SCARB2: variants seen among roughly 807,000 people sequenced by gnomAD.
SCARB2 encodes the protein scavenger receptor class B member 2, also known as lysosome membrane protein 2.
SCARB2 carries 29 observed loss-of-function variants against 58.6 expected under a neutral mutation model. That is an observed-to-expected ratio of 0.49 (90% CI 0.37 to 0.67). The LOEUF (loss-of-function observed/expected upper bound fraction) is 0.67. SCARB2 is among the 30% of genes least tolerant of loss of function. The pLI is 0.00. For synonymous variants in SCARB2, 195 were observed against 210.1 expected, an observed-to-expected ratio of 0.93 and a Z score of 0.62; for missense variants, 488 against 578.5, an observed-to-expected ratio of 0.84 and a Z score of 1.60.
chr4:76,190,713 G>A (rs1440742656), intron 2 of SCARB2, among the ~76,000 whole-genome samples: 3 of 152,136 alleles, frequency 2.0e-5, no homozygotes, highest in Admixed American at 2.0e-4. Flanking sequence ...GAACCTGGGA[G>A]ACAAAGGTTG....
chr4:76,195,249 C>T (rs1348209), intron 2 of SCARB2: 7,586 of 160,320 alleles, frequency 0.047, 553 homozygotes, highest in African/African-American at 0.16. Context: ...CTTGCAATCC[C>T]AGCTACTAGG....
intron 2 of SCARB2, among the ~76,000 whole-genome samples, chr4:76,186,967 A>G: frequency 6.6e-6 from 1 of 152,208 alleles, no homozygotes; most frequent in East Asian, 1.9e-4. Context: ...GGAAACAATG[A>G]TCACGGTGTT....
chr4:76,232,520 G>T (rs760548887), intron 1 of SCARB2, among the ~76,000 whole-genome samples: 4 of 152,182 alleles, frequency 2.6e-5, no homozygotes, highest in Non-Finnish European at 4.4e-5. Flanking sequence ...GGTTTTCTCT[G>T]TGGTTTACAA....
rs776402052 is a variant in SCARB2 at position 76,163,414 on chromosome 4, G to A, written c.1240-31C>T. On this transcript the variant is annotated intron_variant, in intron 10 of 11. Coordinates refer to ENST00000264896, the MANE Select transcript of SCARB2 (RefSeq NM_005506.4). Reference sequence around the variant, plus strand: ...GAGGCAAGAAAATAGTATTCTTGATGACTAAACATCCAGTGTGTAACTGTT... The same window carrying A: ...GAGGCAAGAAAATAGTATTCTTGATAACTAAACATCCAGTGTGTAACTGTT... 1.5e-5 allele frequency: 24 copies of A among 1,612,790 alleles called. No individual in the cohort carries two copies. The South Asian group carries it at 2.6e-4, about 18-fold the overall frequency.
chr4:76,179,119 T>C (rs6851995), intron 4 of SCARB2: 24,359 of 238,932 alleles, frequency 0.1, 1,671 homozygotes, highest in East Asian at 0.21. Flanking sequence ...AGTGGTGTAA[T>C]TTCAGCTCAC....
intron 2 of SCARB2, among the ~76,000 whole-genome samples, chr4:76,186,521 G>T (rs17001596): frequency 2.6e-5 from 4 of 152,066 alleles, no homozygotes; most frequent in African/African-American, 9.7e-5. Flanking sequence ...TACGCTGCCC[G>T]CTCAGGTAAC....
intron 1 of SCARB2, among the ~76,000 whole-genome samples, chr4:76,229,066 T>G (rs1301775900): frequency 6.6e-6 from 1 of 152,198 alleles, no homozygotes; most frequent in Non-Finnish European, 1.5e-5. Context: ...CAGATTGGGT[T>G]AATTCAAAAG....
Position 76,209,900 on chromosome 4 carries a change from T to A in SCARB2, c.117+3527A>T, listed in dbSNP as rs78948964. ...GTTCCCTTGCCATCCCATCCCTTGT[T>A]GGCCAGCCCTGACTGTGGCCAGTTC... On this transcript the variant is annotated intron_variant, in intron 1 of 11. Transcript: ENST00000264896. Among the ~76,000 whole-genome samples the A allele has an allele frequency of 6.5e-3, 987 of 152,338 alleles. 7 individuals carry two copies. Among genetic ancestry groups the A allele is most frequent in the African/African-American group, 0.022 (929 of 41,576 alleles).
chr4:76,161,835 G>T (rs1731905453), intron 11 of SCARB2, 84 bp from the exon 12 acceptor site: 1 of 1,314,046 alleles, frequency 7.6e-7, no homozygotes. Context: ...GGGGAGTGGG[G>T]GCATGGAAGG....
rs187848921 is a variant in SCARB2 at position 76,206,631 on chromosome 4, T to G, written c.117+6796A>C. ...ATCTATTTTGAATAAGACATTGCAT[T>G]TGGCAGTAAGAAAAGACACAAAACT... is the stretch of plus-strand genomic sequence containing the variant. On this transcript the variant is annotated intron_variant, in intron 1 of 11. Transcript: ENST00000264896. 2.5e-3 allele frequency among the ~76,000 whole-genome samples: 384 copies of G among 151,762 alleles called. 2 individuals are homozygous for G. Among genetic ancestry groups the G allele is most frequent in the Non-Finnish European group, 4.1e-3 (279 of 67,972 alleles).
intron 7 of SCARB2, among the ~76,000 whole-genome samples, chr4:76,170,800 T>C (rs1444821685): frequency 3.3e-5 from 5 of 151,968 alleles, no homozygotes; most frequent in Non-Finnish European, 7.4e-5. Context: ...GATTACAGGC[T>C]TGAGCCACCA....
chr4:76,170,073 T>A, intron 7 of SCARB2, 88 bp from the exon 8 acceptor site: 1 of 1,202,904 alleles, frequency 8.3e-7, no homozygotes, highest in Non-Finnish European at 1.2e-6. Flanking sequence ...ACAGCCTGGT[T>A]CCTAAAGAAA....
In SCARB2 at chr4:76,161,332, C is replaced by T. The variant is rs1003742396; in HGVS notation, c.*381G>A. 6 of 254,604 alleles carry T rather than the reference C, an allele frequency of 2.4e-5. No individual in the cohort carries two copies. The highest frequency in any genetic ancestry group is 6.7e-5 in the African/African-American group (3 of 45,040). The allele number at this position is 254,604 out of a possible 1,614,324, so 15.8% of individuals were successfully genotyped here. ...ATATACGCATTTTGAGCACAAAGTTCGGTGAATGAAGCATACTGAATGAAG... is the reference window on the plus strand; with the variant it reads ...ATATACGCATTTTGAGCACAAAGTTTGGTGAATGAAGCATACTGAATGAAG... On this transcript the variant is annotated 3_prime_UTR_variant, in exon 12 of 12. Coordinates refer to ENST00000264896, the MANE Select transcript of SCARB2 (RefSeq NM_005506.4).
chr4:76,205,187 G>C (rs115754059), intron 1 of SCARB2, among the ~76,000 whole-genome samples: 3,491 of 152,114 alleles, frequency 0.023, 122 homozygotes, highest in African/African-American at 0.08. Flanking sequence ...AAATTAGCCT[G>C]GCATGGTGCA....
At chr4:76,185,977 T>G (rs1372897672) in intron 2 of SCARB2, among the ~76,000 whole-genome samples, 1 of 152,246 alleles carries the variant, frequency 6.6e-6, no homozygotes, top group Admixed American at 6.5e-5. Flanking sequence ...CAACACTACC[T>G]GGCACACCTG....
intron 1 of SCARB2, among the ~76,000 whole-genome samples, chr4:76,206,737 C>G (rs1732938382): frequency 6.6e-6 from 1 of 150,932 alleles, no homozygotes; most frequent in African/African-American, 2.4e-5. Context: ...GGTTGAAAAT[C>G]CCCGCAGGGC....
chr4:76,169,884 A>G lies in SCARB2; in HGVS notation c.1096T>C (p.Phe366Leu). 6.2e-7 allele frequency: 1 copy of G among 1,612,998 alleles called. No homozygotes were observed. Residue 366 changes from phenylalanine to leucine, a missense_variant, in exon 8 of 12, where the codon TTT (phenylalanine) becomes CTT (leucine). Coordinates refer to ENST00000264896, the MANE Select transcript of SCARB2 (RefSeq NM_005506.4). ...MHPNQEDHET[F>L]VDINPLTGII... ...GTACTCACAGGATTAATGTCCACAAATGTCTCATGGTCTTCCTGATTTGGG... is the reference window on the plus strand; with the variant it reads ...GTACTCACAGGATTAATGTCCACAAGTGTCTCATGGTCTTCCTGATTTGGG...
intron 6 of SCARB2, 196 bp downstream of exon 6, chr4:76,175,595 G>T (rs1027123596): frequency 9.0e-6 from 6 of 669,726 alleles, no homozygotes; most frequent in Non-Finnish European, 1.5e-5. Flanking sequence ...GTAGAGCCAA[G>T]ATTCAAACCA....
At chr4:76,171,859 G>A (rs541175641) in intron 7 of SCARB2, among the ~76,000 whole-genome samples, 49 of 152,124 alleles carry the variant, frequency 3.2e-4, no homozygotes, top group Admixed American at 1.0e-3. Flanking sequence ...ATACCTAGAC[G>A]CCATCTTTAT....
Sources: allele counts gnomAD v4.1 joint callset (sites outside exome capture counted in the v4.1 genomes callset), GRCh38; gene constraint gnomAD v4.1.1; transcripts MANE v1.5; gene names NCBI Gene and HGNC (gene_info 2026-07-23, HGNC 2026-07-21).